ROBO2: variants seen among roughly 807,000 people sequenced by gnomAD.
ROBO2 encodes roundabout guidance receptor 2.
A neutral mutation model predicts 160.8 loss-of-function variants in ROBO2; 53 were observed. The ratio of observed to expected loss-of-function variants is 0.33; its 90% confidence interval spans 0.26 to 0.41. The LOEUF (loss-of-function observed/expected upper bound fraction) is 0.41. ROBO2 is among the 10% of genes least tolerant of loss of function. ROBO2 has a pLI of 1.00. For synonymous variants in ROBO2, 664 were observed against 611.7 expected (o/e 1.09, Z -1.26); for missense variants, 1,577 against 1,722.4 (o/e 0.92, Z 1.49).
At chr3:76,977,756 C>A (rs1168233199) in intron 2 of ROBO2, among the ~76,000 whole-genome samples, 1 of 152,098 alleles carries the variant, frequency 6.6e-6, no homozygotes, top group African/African-American at 2.4e-5. Context: ...ATCTGCCGTA[C>A]TTTGTTTTGA....
intron 2 of ROBO2, among the ~76,000 whole-genome samples, chr3:77,407,661 C>T (rs2076360495): frequency 6.6e-6 from 1 of 152,202 alleles, no homozygotes; most frequent in African/African-American, 2.4e-5. Flanking sequence ...TAGGGCTAAT[C>T]CTCCCAGCCT....
At chr3:75,986,963 G>A (rs1287463480) in intron 2 of ROBO2, among the ~76,000 whole-genome samples, 1 of 151,638 alleles carries the variant, frequency 6.6e-6, no homozygotes, top group Non-Finnish European at 1.5e-5. Context: ...ACCCTGTTTT[G>A]ATTACTGAAG....
At chr3:77,473,579 G>A (rs903720898) in intron 2 of ROBO2, among the ~76,000 whole-genome samples, 1 of 148,202 alleles carries the variant, frequency 6.7e-6, no homozygotes, top group Non-Finnish European at 1.5e-5. Flanking sequence ...TCAGCCTCCC[G>A]AGTAGCTGGG....
At chr3:77,294,192 TA>T (rs1440779206) in intron 2 of ROBO2, among the ~76,000 whole-genome samples, 1 of 139,134 alleles carries the variant, frequency 7.2e-6, no homozygotes, top group African/African-American at 2.8e-5. Flanking sequence ...AGATGTGAAG[TA>T]AAATTGACGG....
intron 2 of ROBO2, among the ~76,000 whole-genome samples, chr3:77,110,696 T>TAGAG (rs369988521): frequency 2.0e-4 from 30 of 147,670 alleles, no homozygotes; most frequent in African/African-American, 7.2e-4. Flanking sequence ...TATATATATA[T>TAGAG]AGAGAGAGAG....
At chr3:76,394,007 A>G (rs1049458592) in intron 2 of ROBO2, among the ~76,000 whole-genome samples, 1 of 152,110 alleles carries the variant, frequency 6.6e-6, no homozygotes, top group Non-Finnish European at 1.5e-5. Flanking sequence ...TTTTATTTTG[A>G]GCCTATGTGT....
intron 17 of ROBO2, among the ~76,000 whole-genome samples, chr3:77,590,679 T>C (rs1020414247): frequency 1.1e-4 from 16 of 152,116 alleles, no homozygotes; most frequent in African/African-American, 3.9e-4. Flanking sequence ...ACATTTGGAG[T>C]GTTGCATTTT....
intron 2 of ROBO2, among the ~76,000 whole-genome samples, chr3:76,525,007 A>G (rs2081872100): frequency 6.6e-6 from 1 of 151,784 alleles, no homozygotes; most frequent in South Asian, 2.1e-4. Context: ...ACACTGGAAG[A>G]CAAAGAAAGA....
chr3:77,089,276 A>C (rs549285833), intron 1 of ROBO2, among the ~76,000 whole-genome samples: 1 of 152,302 alleles, frequency 6.6e-6, no homozygotes, highest in African/African-American at 2.4e-5. Context: ...AAGAAACTTC[A>C]GTTCTTTAGT....
intron 2 of ROBO2, among the ~76,000 whole-genome samples, chr3:76,048,706 G>A (rs955373913): frequency 1.3e-5 from 2 of 152,150 alleles, no homozygotes; most frequent in Admixed American, 6.5e-5. Context: ...TAAAAAGCTA[G>A]CAAGGAAGCT....
chr3:76,760,959 T>A (rs908238254), intron 2 of ROBO2, among the ~76,000 whole-genome samples: 2 of 151,690 alleles, frequency 1.3e-5, no homozygotes, highest in Non-Finnish European at 2.9e-5. Context: ...AGTATTTGAT[T>A]GGAAAATGAG....
At chr3:75,928,861 CGTGTGTGTGTGTGT>C (rs60525375) in intron 1 of ROBO2, among the ~76,000 whole-genome samples, 12 of 109,088 alleles carry the variant, frequency 1.1e-4, no homozygotes, top group East Asian at 2.9e-4. Context: ...CTGGATAAGA[CGTGTGTGTGTGTGT>C]GTGTGTGTGT....
intron 2 of ROBO2, among the ~76,000 whole-genome samples, chr3:76,748,814 C>A (rs2093933822): frequency 6.6e-6 from 1 of 151,436 alleles, no homozygotes; most frequent in African/African-American, 2.4e-5. Flanking sequence ...ATTCTTTGAC[C>A]CAGCTATTCA....
chr3:77,521,460 G>A (rs2153627248), intron 5 of ROBO2, among the ~76,000 whole-genome samples: 1 of 151,302 alleles, frequency 6.6e-6, no homozygotes, highest in East Asian at 2.0e-4. Context: ...CAAAAAGGCA[G>A]TAATTCGATT....
At chr3:76,139,945 G>A (rs541480644) in intron 2 of ROBO2, among the ~76,000 whole-genome samples, 3 of 151,930 alleles carry the variant, frequency 2.0e-5, no homozygotes, top group African/African-American at 4.8e-5. Context: ...ATTCTTCTTC[G>A]TAGTTATTAA....
intron 12 of ROBO2, 89 bp from the exon 14 acceptor site, chr3:77,568,224 C>T: frequency 6.7e-7 from 1 of 1,481,560 alleles, no homozygotes; most frequent in Non-Finnish European, 9.2e-7. Context: ...GTAATTAGTT[C>T]TAAAGACATG....
At chr3:76,142,880 T>C (rs767599938) in intron 2 of ROBO2, among the ~76,000 whole-genome samples, 16 of 152,028 alleles carry the variant, frequency 1.1e-4, no homozygotes, top group Non-Finnish European at 1.8e-4. Flanking sequence ...TTATTTCACA[T>C]TGCAGGCCTG....
chr3:76,539,417 T>G (rs1473250492), intron 2 of ROBO2, among the ~76,000 whole-genome samples: 1 of 151,996 alleles, frequency 6.6e-6, no homozygotes. Flanking sequence ...GCATTGTGTT[T>G]CATGCATGGA....
intron 2 of ROBO2, among the ~76,000 whole-genome samples, chr3:76,535,774 T>C (rs2082463825): frequency 6.6e-6 from 1 of 152,200 alleles, no homozygotes. Context: ...AAACAGGCCC[T>C]TGAAAGAAGG....
Sources: gnomAD v4.1 joint callset for allele counts (sites outside exome capture counted in the v4.1 genomes callset) on GRCh38, gnomAD v4.1.1 for gene constraint, MANE v1.5 for transcripts, NCBI Gene and HGNC (gene_info 2026-07-23, HGNC 2026-07-21) for gene names.